SBF2: variants seen among roughly 807,000 people sequenced by gnomAD.
SBF2 encodes SET binding factor 2.
In SBF2, 112 loss-of-function variants were observed where a neutral mutation model predicts 225.2. That is an observed-to-expected ratio of 0.50 (90% CI 0.43 to 0.58). The LOEUF is 0.58. SBF2 is among the 20% of genes least tolerant of loss of function. The pLI is 0.00. For missense variants in SBF2, 1,996 were observed against 2,206.2 expected (o/e 0.90, Z 1.91); for synonymous variants, 763 against 773.3 (o/e 0.99, Z 0.22).
intron 2 of SBF2, among the ~76,000 whole-genome samples, chr11:10,086,700 A>G (rs1951580129): frequency 6.6e-6 from 1 of 152,186 alleles, no homozygotes; most frequent in Non-Finnish European, 1.5e-5. Context: ...GTTGTTGAGG[A>G]CACTGCAGAG....
At chr11:10,209,372 C>A (rs1200266254) in intron 1 of SBF2, among the ~76,000 whole-genome samples, 1 of 151,874 alleles carries the variant, frequency 6.6e-6, no homozygotes, top group Non-Finnish European at 1.5e-5. Context: ...TGGAGCATCG[C>A]ATCTACAGCA....
chr11:10,071,056 T>G (rs1950846707), intron 2 of SBF2, among the ~76,000 whole-genome samples: 1 of 152,158 alleles, frequency 6.6e-6, no homozygotes, highest in Non-Finnish European at 1.5e-5. Context: ...TAAGGAGGTT[T>G]TGGGCTGAGA....
chr11:10,209,968 A>C (rs1957874526), intron 1 of SBF2, among the ~76,000 whole-genome samples: 1 of 152,138 alleles, frequency 6.6e-6, no homozygotes, highest in Admixed American at 6.5e-5. Flanking sequence ...TATGTCTGCT[A>C]GAGCTGCAAA....
At chr11:10,236,547 C>T (rs1959085861) in intron 1 of SBF2, among the ~76,000 whole-genome samples, 1 of 152,270 alleles carries the variant, frequency 6.6e-6, no homozygotes, top group South Asian at 2.1e-4. Context: ...GCAACCTCCG[C>T]CTCCTGGGTT....
At chr11:9,921,710 T>G (rs898887573) in intron 16 of SBF2, among the ~76,000 whole-genome samples, 2 of 151,416 alleles carry the variant, frequency 1.3e-5, no homozygotes, top group Non-Finnish European at 3.0e-5. Flanking sequence ...GTTACTTACT[T>G]CATACTTATG....
At chr11:10,027,010 T>C (rs1949080063) in intron 6 of SBF2, among the ~76,000 whole-genome samples, 2 of 152,178 alleles carry the variant, frequency 1.3e-5, no homozygotes, top group Non-Finnish European at 1.5e-5. Context: ...CAACACGATG[T>C]TTTGAAATAT....
In SBF2 at chr11:9,858,251, T is replaced by C. The variant is rs764612430; in HGVS notation, c.2075A>G (p.Asn692Ser). 2 of 1,614,230 alleles carry C rather than the reference T, an allele frequency of 1.2e-6. No homozygotes were observed. The highest frequency in any genetic ancestry group is 1.7e-6 in the Non-Finnish European group (2 of 1,180,038). The change falls in exon 18 of 40, where the codon AAT becomes AGT. Residue 692 changes from asparagine to serine, a missense_variant. Asn to Ser is a conservative substitution (Grantham distance 46). Transcript: ENST00000256190. ...RSLYLSAKEDNHAPHLKQKDK... is the reference protein window; with the variant it reads ...RSLYLSAKEDSHAPHLKQKDK... The stretch of plus-strand genomic sequence containing the variant: ...CTTTTGCTTCAGATGCGGGGCATGA[T>C]TGTCTTCCTTGGCTGAGAGATAAAG...
chr11:10,187,270 C>T (rs1956962006), intron 2 of SBF2, among the ~76,000 whole-genome samples: 1 of 151,134 alleles, frequency 6.6e-6, no homozygotes, highest in African/African-American at 2.4e-5. Flanking sequence ...TTCTCTTTTT[C>T]CTCTCTCTCC....
chr11:9,929,964 G>C (rs577574847), intron 16 of SBF2, among the ~76,000 whole-genome samples: 1 of 152,170 alleles, frequency 6.6e-6, no homozygotes, highest in Non-Finnish European at 1.5e-5. Context: ...ACACAGGTAG[G>C]GGAACAATAC....
chr11:9,853,731 G>T lies in SBF2; in HGVS notation c.2364-19C>A, dbSNP rs757375337. The T allele has an allele frequency of 6.2e-7, 1 of 1,611,914 alleles. No homozygotes were observed. ...TGCAATACTAAGACAGTCAAGGAAAGAAATCATGGTCAGTACTTAAATGCA... is the reference window on the plus strand; with the variant it reads ...TGCAATACTAAGACAGTCAAGGAAATAAATCATGGTCAGTACTTAAATGCA... On this transcript the variant is annotated intron_variant, in intron 19 of 39. Coordinates refer to ENST00000256190, the MANE Select transcript of SBF2 (RefSeq NM_030962.4).
At chr11:10,267,055 C>T (rs1962068312) in intron 1 of SBF2, among the ~76,000 whole-genome samples, 2 of 152,206 alleles carry the variant, frequency 1.3e-5, no homozygotes, top group African/African-American at 2.4e-5. Context: ...GATCGTGCCA[C>T]TGCACTCCAG....
chr11:9,973,005 T>C (rs750721735), intron 13 of SBF2, among the ~76,000 whole-genome samples: 1 of 152,196 alleles, frequency 6.6e-6, no homozygotes, highest in Non-Finnish European at 1.5e-5. Context: ...TTTAGAAGAT[T>C]CGAAAAAGAC....
intron 2 of SBF2, among the ~76,000 whole-genome samples, chr11:10,120,831 GC>G (rs1953403207): frequency 6.6e-6 from 1 of 152,200 alleles, no homozygotes. Flanking sequence ...TGTTGATTAG[GC>G]TGGTCTCGAA....
At chr11:9,968,295 A>G (rs1867097760) in intron 14 of SBF2, 46 bp downstream of exon 14, 6 of 1,563,526 alleles carry the variant, frequency 3.8e-6, no homozygotes, top group Non-Finnish European at 5.3e-6. Flanking sequence ...TGGGTCTTAC[A>G]TCCTTATAAA....
chr11:9,836,447 T>G (rs1165835719), intron 26 of SBF2, among the ~76,000 whole-genome samples: 2 of 152,182 alleles, frequency 1.3e-5, no homozygotes, highest in Non-Finnish European at 2.9e-5. Flanking sequence ...GTTTAATATA[T>G]TCCCTATTTT....
rs1384075357 is a variant in SBF2 at position 10,161,408 on chromosome 11, G to A, written c.141+32494C>T. Among the ~76,000 whole-genome samples, 4 of 152,116 alleles carry A rather than the reference G, an allele frequency of 2.6e-5. No homozygotes were observed. The East Asian group carries it at 7.7e-4, about 29-fold the overall frequency. ...CAGTCTAATTTACAAAGCCAAGAAT[G>A]ACAAGAGAAACCAATTTTAATTTCC... On this transcript the variant is annotated intron_variant, in intron 2 of 39. Transcript: ENST00000256190.
At chr11:10,006,000 A>G (rs1247596959) in intron 6 of SBF2, among the ~76,000 whole-genome samples, 2 of 152,106 alleles carry the variant, frequency 1.3e-5, no homozygotes, top group African/African-American at 4.8e-5. Context: ...CTCCTAGACA[A>G]GAGGTTCATG....
At chr11:10,071,963 C>T (rs1025285677) in intron 2 of SBF2, among the ~76,000 whole-genome samples, 3 of 152,096 alleles carry the variant, frequency 2.0e-5, no homozygotes, top group African/African-American at 7.2e-5. Context: ...AAGTTTTTGC[C>T]GCCCAACCCA....
At chr11:9,851,604 A>G (rs924502804) in intron 21 of SBF2, among the ~76,000 whole-genome samples, 4 of 152,206 alleles carry the variant, frequency 2.6e-5, no homozygotes, top group African/African-American at 7.2e-5. Context: ...ATTTTTTACT[A>G]AGCAATAAAA....
Sources: allele counts gnomAD v4.1 joint callset (sites outside exome capture counted in the v4.1 genomes callset), GRCh38; gene constraint gnomAD v4.1.1; transcripts MANE v1.5; gene names NCBI Gene and HGNC (gene_info 2026-07-23, HGNC 2026-07-21).